The following STK31 variants were observed in gnomAD, a reference collection of about 807,000 sequenced individuals.
STK31 encodes the protein serine/threonine kinase 31, also known as serine/threonine-protein kinase 31.
Under a neutral mutation model 129.7 loss-of-function variants are expected in STK31, and 89 were observed. That is an observed-to-expected ratio of 0.69 (90% CI 0.58 to 0.82). The LOEUF (loss-of-function observed/expected upper bound fraction) is 0.82, where lower values mean the gene tolerates loss of function less well. Ranked by LOEUF, STK31 falls within the 40% of genes least tolerant of loss-of-function variation. The pLI is 0.00. For synonymous variants in STK31, 448 were observed against 395.3 expected, an observed-to-expected ratio of 1.13 and a Z score of -1.58; for missense variants, 1,187 against 1,176.4, an observed-to-expected ratio of 1.01 and a Z score of -0.13.
chr7:23,757,217 G>T (rs1381361988), intron 10 of STK31, among the ~76,000 whole-genome samples: 1 of 151,944 alleles, frequency 6.6e-6, no homozygotes, highest in Admixed American at 6.6e-5. Context: ...AGAAGGGGTG[G>T]CCAGCCCCTG....
At position 23,752,808 on chromosome 7, in the gene STK31, A is replaced by G; in HGVS notation, c.1109A>G (p.Lys370Arg). Residue 370 changes from lysine (K) to arginine (R), a missense_variant, in exon 9 of 24, where the codon AAG becomes AGG. Physicochemically the swap from Lys to Arg is conservative, Grantham distance 26. Transcript: ENST00000355870. ...ACCAGAATGAAAAATCTGGCAGCTA[A>G]GATGGAAATACTGAAAGAAATGAGG... The part of the protein sequence containing the change: ...IDTRMKNLAA[K>R]MEILKEMRHV... 1 of 1,611,288 alleles carries G rather than the reference A, an allele frequency of 6.2e-7. No individual in the cohort carries two copies. Among genetic ancestry groups the G allele is most frequent in the Non-Finnish European group, 8.5e-7 (1 of 1,177,834 alleles).
At chr7:23,792,168 A>G (rs960848804) in intron 22 of STK31, among the ~76,000 whole-genome samples, 7 of 152,204 alleles carry the variant, frequency 4.6e-5, no homozygotes, top group Admixed American at 1.3e-4. Context: ...AATAAAAGTC[A>G]TAGAGTTTGA....
At position 23,794,350 on chromosome 7, in the gene STK31, C is replaced by T. The variant is rs188471539; in HGVS notation, c.2760+3404C>T. Among the ~76,000 whole-genome samples the T allele has an allele frequency of 3.8e-3, 578 of 152,314 alleles. 4 individuals are homozygous for T. The highest frequency in any genetic ancestry group is 0.021 in the Middle Eastern group (6 of 292). ...CATGTGAAGAAGAATGTGTTTACTT[C>T]CCCTTCTGCCATGATTGTAAGTTTC... On this transcript the variant is annotated intron_variant, in intron 22 of 23. Coordinates refer to ENST00000355870, the MANE Select transcript of STK31 (RefSeq NM_031414.5).
intron 23 of STK31, among the ~76,000 whole-genome samples, chr7:23,820,888 CT>C (rs2128129923): frequency 6.6e-6 from 1 of 152,240 alleles, no homozygotes; most frequent in Admixed American, 6.5e-5. Context: ...TCCACATTTT[CT>C]TTATATTTCT....
intron 22 of STK31, among the ~76,000 whole-genome samples, chr7:23,810,600 T>A (rs1402401087): frequency 3.8e-5 from 5 of 133,148 alleles, no homozygotes; most frequent in South Asian, 4.4e-4. Context: ...GTCCATCTTT[T>A]TATATATATA....
In STK31 at chr7:23,796,722, A is replaced by T. The variant is rs368074323; in HGVS notation, c.2760+5776A>T. ...CGCTGGCAACCACTGACCTTTTATC[A>T]CTGTGTTTTGTGCTTTTAAGAATGT... On this transcript the variant is annotated intron_variant, in intron 22 of 23. Coordinates refer to ENST00000355870, the MANE Select transcript of STK31 (RefSeq NM_031414.5). Among the ~76,000 whole-genome samples, 44 of 152,156 alleles carry T rather than the reference A, an allele frequency of 2.9e-4. No individual in the cohort carries two copies. In the East Asian group the frequency reaches 8.3e-3, roughly 29 times the overall value.
Position 23,735,649 on chromosome 7 carries a change from A to G in STK31, c.595A>G (p.Ile199Val), listed in dbSNP as rs1157228760. The change falls in exon 7 of 24, where the codon ATA becomes GTA. Residue 199 changes from isoleucine (I) to valine (V), a missense_variant. Coordinates refer to ENST00000355870, the MANE Select transcript of STK31 (RefSeq NM_031414.5). ...IAQAEYGSVDIGEEVLKKGFA... is the reference protein window; with the variant it reads ...IAQAEYGSVDVGEEVLKKGFA... ...TCAGGCTGAGTATGGCAGTGTGGAT[A>G]TAGGGGAAGAGGTGCTTAAGAAAGG... The G allele has an allele frequency of 6.2e-7, 1 of 1,613,992 alleles. No homozygotes were observed. Among genetic ancestry groups the G allele is most frequent in the African/African-American group, 1.3e-5 (1 of 74,924 alleles).
intron 15 of STK31, among the ~76,000 whole-genome samples, chr7:23,774,897 G>T (rs1312634643): frequency 6.6e-6 from 1 of 152,016 alleles, no homozygotes; most frequent in Non-Finnish European, 1.5e-5. Flanking sequence ...TTCTAGAGTT[G>T]TTATGGTTTT....
At chr7:23,727,768 G>A (rs181517321) in intron 5 of STK31, among the ~76,000 whole-genome samples, 1 of 151,508 alleles carries the variant, frequency 6.6e-6, no homozygotes, top group Non-Finnish European at 1.5e-5. Context: ...CACCATGTTT[G>A]TCAGGCTGGT....
At chr7:23,830,592 T>TTGTGTGTGTATGTG (rs1554300173) in intron 23 of STK31, among the ~76,000 whole-genome samples, 10 of 142,140 alleles carry the variant, frequency 7.0e-5, no homozygotes, top group African/African-American at 2.7e-4. Context: ...AATTTCCATG[T>TTGTGTGTGTATGTG]TGTGTGTGTG....
chr7:23,712,216 A>G lies in STK31; in HGVS notation c.98-18A>G, dbSNP rs1287961599. On this transcript the variant is annotated intron_variant, in intron 2 of 23. Transcript: ENST00000355870. ...CTGATTAATTTCTAATTTTCCTTGT[A>G]TTGTGATTTGATTTTAGTGGAAGAT... is the stretch of plus-strand genomic sequence containing the variant. The G allele has an allele frequency of 1.2e-6, 2 of 1,614,016 alleles. No homozygotes were observed. Among genetic ancestry groups the G allele is most frequent in the Non-Finnish European group, 8.5e-7 (1 of 1,179,952 alleles).
intron 11 of STK31, among the ~76,000 whole-genome samples, chr7:23,764,275 T>G (rs1158577648): frequency 6.6e-6 from 1 of 152,208 alleles, no homozygotes; most frequent in Non-Finnish European, 1.5e-5. Context: ...TAAATGTAGG[T>G]TAAGGTTCTG....
chr7:23,719,487 TGTG>T (rs750058594), intron 4 of STK31, among the ~76,000 whole-genome samples: 2 of 152,112 alleles, frequency 1.3e-5, no homozygotes, highest in Non-Finnish European at 2.9e-5. Flanking sequence ...GATATAAACA[TGTG>T]GTCACCAGGA....
chr7:23,744,067 A>C (rs768652693), intron 8 of STK31, among the ~76,000 whole-genome samples: 1 of 151,792 alleles, frequency 6.6e-6, no homozygotes, highest in Non-Finnish European at 1.5e-5. Context: ...CTACAGGTGC[A>C]TGCCACCATG....
chr7:23,787,969 CTTATCT>C lies in STK31; in HGVS notation c.2488-10_2488-5del. On this transcript the variant is annotated splice_region_variant and splice_polypyrimidine_tract_variant and intron_variant, in intron 20 of 23. Coordinates refer to ENST00000355870, the MANE Select transcript of STK31 (RefSeq NM_031414.5). Reference sequence around the variant, plus strand: ...TACTTCCTCACTTCTTTTATGTGTACTTATCTATAGGAAACTTTAAAGGTCATGAAA... The same window carrying C: ...TACTTCCTCACTTCTTTTATGTGTACATAGGAAACTTTAAAGGTCATGAAA... 8.5e-6 allele frequency: 13 copies of C among 1,529,244 alleles called. No individual in the cohort carries two copies. The highest frequency in any genetic ancestry group is 1.1e-5 in the Non-Finnish European group (13 of 1,140,510). The allele number at this position is 1,529,244 out of a possible 1,614,324, so 94.7% of individuals were successfully genotyped here. A position where few individuals can be genotyped will look rare whatever the true frequency, so the allele number is the denominator to read the frequency against.
At chr7:23,788,982 C>G (rs753061355) in intron 21 of STK31, among the ~76,000 whole-genome samples, 8 of 152,100 alleles carry the variant, frequency 5.3e-5, no homozygotes, top group Non-Finnish European at 1.0e-4. Flanking sequence ...CTTCTCAAGC[C>G]TGGAAACTAC....
At chr7:23,814,152 T>A (rs532743523) in intron 22 of STK31, among the ~76,000 whole-genome samples, 2 of 143,178 alleles carry the variant, frequency 1.4e-5, no homozygotes, top group South Asian at 2.3e-4. Flanking sequence ...CTCACTTATT[T>A]TTTTTTTTTT....
At chr7:23,786,979 C>G (rs1347710960) in intron 20 of STK31, 55 bp downstream of exon 20, 34 of 1,519,200 alleles carry the variant, frequency 2.2e-5, no homozygotes, top group Non-Finnish European at 3.1e-5. Context: ...AAAATAACAC[C>G]TGATATTTAT....
At chr7:23,802,113 G>A (rs1157825141) in intron 22 of STK31, among the ~76,000 whole-genome samples, 2 of 152,142 alleles carry the variant, frequency 1.3e-5, no homozygotes, top group African/African-American at 2.4e-5. Flanking sequence ...AGTCAGGCGC[G>A]TAAGTTTATT....
Sources: allele counts gnomAD v4.1 joint callset (sites outside exome capture counted in the v4.1 genomes callset), GRCh38; gene constraint gnomAD v4.1.1; transcripts MANE v1.5; gene names NCBI Gene and HGNC (gene_info 2026-07-23, HGNC 2026-07-21).